Variants in RANBP17 observed in about 807,000 individuals in gnomAD.
RANBP17 encodes ran-binding protein 17.
Under a neutral mutation model 141.2 loss-of-function variants are expected in RANBP17, and 158 were observed. The ratio of observed to expected loss-of-function variants is 1.12; its 90% CI spans 0.98 to 1.28. The LOEUF is 1.28. RANBP17 is among the 50% of genes most tolerant of loss of function. The pLI is 0.00. For synonymous variants in RANBP17, 430 were observed against 450.0 expected (o/e 0.96, Z 0.56); for missense variants, 1,438 against 1,290.7 (o/e 1.11, Z -1.75).
chr5:171,063,754 C>T (rs1303342658), intron 14 of RANBP17, among the ~76,000 whole-genome samples: 1 of 152,234 alleles, frequency 6.6e-6, no homozygotes, highest in African/African-American at 2.4e-5. Context: ...TGTCTGTGCC[C>T]TGCCCCCAGA....
At chr5:171,138,454 C>T (rs1488676501) in intron 14 of RANBP17, among the ~76,000 whole-genome samples, 1 of 151,562 alleles carries the variant, frequency 6.6e-6, no homozygotes, top group Non-Finnish European at 1.5e-5. Flanking sequence ...CCCCAGATGG[C>T]CTTAGATATA....
chr5:171,099,388 A>C (rs149969892), intron 14 of RANBP17, among the ~76,000 whole-genome samples: 7,021 of 152,042 alleles, frequency 0.046, 203 homozygotes, highest in East Asian at 0.12. Context: ...TGTGAATGGG[A>C]GTTTGCTCAT....
At chr5:171,083,881 C>T (rs1471400801) in intron 14 of RANBP17, among the ~76,000 whole-genome samples, 6 of 152,008 alleles carry the variant, frequency 3.9e-5, no homozygotes, top group South Asian at 2.1e-4. Context: ...TTGCCATGAT[C>T]GTAAGGCCTC....
At position 170,950,048 on chromosome 5, in the gene RANBP17, G is replaced by A. The variant is rs144685394; in HGVS notation, c.1469-3549G>A. 5.5e-3 allele frequency among the ~76,000 whole-genome samples: 834 copies of A among 152,056 alleles called. 7 individuals carry two copies. The highest frequency in any genetic ancestry group is 0.019 in the African/African-American group (793 of 41,480). ...CTGGGAAAATTGTATATCCAGATGT[G>A]GAAGAATAAAACTGGACTTCTACCT... On this transcript the variant is annotated intron_variant, in intron 12 of 27. Coordinates refer to ENST00000523189, the MANE Select transcript of RANBP17 (RefSeq NM_022897.5).
chr5:171,117,130 C>CG (rs1333114680), intron 14 of RANBP17, among the ~76,000 whole-genome samples: 3 of 152,228 alleles, frequency 2.0e-5, no homozygotes, highest in African/African-American at 7.2e-5. Flanking sequence ...AACATGGCAG[C>CG]GGGGGTGGTG....
chr5:170,973,875 C>T (rs538950469), intron 14 of RANBP17, among the ~76,000 whole-genome samples: 58 of 152,296 alleles, frequency 3.8e-4, no homozygotes, highest in African/African-American at 1.3e-3. Context: ...TCTCAGACCA[C>T]TTATGAGGAC....
chr5:171,252,114 C>T (rs1765612737), intron 24 of RANBP17: 2 of 1,594,692 alleles, frequency 1.3e-6, no homozygotes. Flanking sequence ...TGGAGTAATA[C>T]CTCCCAAGAA....
At chr5:171,199,511 A>C (rs1242163704) in intron 18 of RANBP17, among the ~76,000 whole-genome samples, 159 bp from the exon 19 acceptor site, 1 of 152,214 alleles carries the variant, frequency 6.6e-6, no homozygotes, top group Non-Finnish European at 1.5e-5. Flanking sequence ...ACAACACCAG[A>C]ATATTCAGTG....
At chr5:171,203,512 A>G (rs1218650905) in intron 19 of RANBP17, among the ~76,000 whole-genome samples, 1 of 152,160 alleles carries the variant, frequency 6.6e-6, no homozygotes, top group East Asian at 1.9e-4. Context: ...AGTTGAATTC[A>G]TTTAAAACAT....
chr5:171,144,572 G>A (rs755157001), intron 14 of RANBP17, among the ~76,000 whole-genome samples: 10 of 152,114 alleles, frequency 6.6e-5, no homozygotes, highest in Non-Finnish European at 1.0e-4. Flanking sequence ...TGATGGCTGC[G>A]AATGGTGCCC....
chr5:171,034,528 G>A (rs1407706412), intron 14 of RANBP17, among the ~76,000 whole-genome samples: 2 of 152,188 alleles, frequency 1.3e-5, no homozygotes, highest in African/African-American at 4.8e-5. Context: ...ATTCTTCAAT[G>A]AAGAAAACTG....
rs1033799417 is a variant in RANBP17 at position 170,953,956 on chromosome 5, ATTAC to A, written c.1574+258_1574+261del. Among the ~76,000 whole-genome samples, 11 of 151,582 alleles carry A rather than the reference ATTAC, an allele frequency of 7.3e-5. 1 individual carries two copies. Among genetic ancestry groups the A allele is most frequent in the South Asian group, 4.1e-4 (2 of 4,822 alleles). The stretch of plus-strand genomic sequence containing the variant: ...GTGATAAAGATTTAGGTTGCTTTTT[ATTAC>A]TTAGGATGTGAGCAAGCACATACAG... On this transcript the variant is annotated intron_variant, in intron 13 of 27. Transcript: ENST00000523189.
chr5:171,014,453 CTATTT>C (rs796328184), intron 14 of RANBP17, among the ~76,000 whole-genome samples: 7 of 152,016 alleles, frequency 4.6e-5, no homozygotes, highest in African/African-American at 1.7e-4. Context: ...CTAGCTATAA[CTATTT>C]TATTATTTTG....
At chr5:171,064,975 A>G (rs1175352794) in intron 14 of RANBP17, among the ~76,000 whole-genome samples, 7 of 151,966 alleles carry the variant, frequency 4.6e-5, no homozygotes, top group Non-Finnish European at 7.4e-5. Flanking sequence ...TTTGTTAATG[A>G]GTTTTCTTTG....
chr5:171,235,761 C>T (rs1378790500), intron 22 of RANBP17, among the ~76,000 whole-genome samples: 1 of 151,976 alleles, frequency 6.6e-6, no homozygotes, highest in African/African-American at 2.4e-5. Flanking sequence ...GCCACTACAC[C>T]TGGCTAATTT....
At chr5:171,280,926 G>A (rs969465970) in intron 25 of RANBP17, among the ~76,000 whole-genome samples, 15 of 152,030 alleles carry the variant, frequency 9.9e-5, no homozygotes, top group African/African-American at 2.9e-4. Flanking sequence ...TTTTACAGTC[G>A]GTATACCTGG....
At chr5:171,288,023 T>G (rs932979833) in intron 25 of RANBP17, among the ~76,000 whole-genome samples, 1 of 152,228 alleles carries the variant, frequency 6.6e-6, no homozygotes, top group East Asian at 1.9e-4. Flanking sequence ...GAAATTGGCT[T>G]AATTTACTAA....
At chr5:171,175,457 C>T (rs928156393) in intron 16 of RANBP17, among the ~76,000 whole-genome samples, 1 of 152,104 alleles carries the variant, frequency 6.6e-6, no homozygotes, top group Admixed American at 6.6e-5. Context: ...TCTGTTGTTT[C>T]CTGTCTTTTT....
At chr5:171,004,478 C>T (rs1779440891) in intron 14 of RANBP17, among the ~76,000 whole-genome samples, 1 of 152,066 alleles carries the variant, frequency 6.6e-6, no homozygotes, top group Non-Finnish European at 1.5e-5. Context: ...CATCAATACC[C>T]ACAACAGTTA....
Sources: gnomAD v4.1 joint callset for allele counts (sites outside exome capture counted in the v4.1 genomes callset) on GRCh38, gnomAD v4.1.1 for gene constraint, MANE v1.5 for transcripts, NCBI Gene and HGNC (gene_info 2026-07-23, HGNC 2026-07-21) for gene names.